UTRN: variants seen among roughly 807,000 people sequenced by gnomAD.
UTRN encodes the protein utrophin.
Under a neutral mutation model 463.9 loss-of-function variants are expected in UTRN, and 283 were observed. That is an observed-to-expected ratio of 0.61 (90% CI 0.55 to 0.67). UTRN has a LOEUF of 0.67. Among genes scored for constraint, UTRN ranks in the 30% least tolerant of loss-of-function variants. UTRN has a pLI of 0.00. For synonymous variants in UTRN, 1,442 were observed against 1,431.5 expected (o/e 1.01, Z -0.17); for missense variants, 3,922 against 4,084.3 (o/e 0.96, Z 1.08).
chr6:144,763,451 GAAA>G, intron 58 of UTRN, among the ~76,000 whole-genome samples: 1 of 152,138 alleles, frequency 6.6e-6, no homozygotes, highest in African/African-American at 2.4e-5. Flanking sequence ...GAAAGGAATT[GAAA>G]TTTGTAATAG....
chr6:144,509,224 T>A (rs1188429161), intron 34 of UTRN, among the ~76,000 whole-genome samples: 3 of 152,164 alleles, frequency 2.0e-5, no homozygotes, highest in African/African-American at 7.2e-5. Context: ...TTTTGATTTT[T>A]TTCTTTATAA....
intron 53 of UTRN, among the ~76,000 whole-genome samples, chr6:144,724,502 C>G (rs1190392765): frequency 6.6e-6 from 1 of 152,122 alleles, no homozygotes; most frequent in Admixed American, 6.5e-5. Flanking sequence ...GCTGGGATTA[C>G]AGGCATGAGC....
chr6:144,301,828 A>G (rs2473147), intron 2 of UTRN, among the ~76,000 whole-genome samples: 45,820 of 151,832 alleles, frequency 0.3, 11,122 homozygotes, highest in African/African-American at 0.68. Flanking sequence ...GACACTGCTC[A>G]TGGCCACCAT....
At chr6:144,525,648 T>A (rs1796507881) in intron 41 of UTRN, among the ~76,000 whole-genome samples, 1 of 152,000 alleles carries the variant, frequency 6.6e-6, no homozygotes, top group Non-Finnish European at 1.5e-5. Flanking sequence ...TTCATTTTTT[T>A]TTGTATTTTT....
At chr6:144,285,994 C>T (rs1473694634) in intron 1 of UTRN, among the ~76,000 whole-genome samples, 173 bp downstream of exon 1, 1 of 152,194 alleles carries the variant, frequency 6.6e-6, no homozygotes, top group East Asian at 1.9e-4. Context: ...TTTTGCGTGC[C>T]CTTTCCTCGG....
intron 53 of UTRN, among the ~76,000 whole-genome samples, chr6:144,719,935 G>T (rs1443096155): frequency 6.6e-6 from 1 of 152,236 alleles, no homozygotes; most frequent in Non-Finnish European, 1.5e-5. Flanking sequence ...TTGAAGAAAG[G>T]TTAGGAAAGA....
chr6:144,685,865 T>C (rs1177598263), intron 52 of UTRN, among the ~76,000 whole-genome samples: 1 of 152,202 alleles, frequency 6.6e-6, no homozygotes, highest in Non-Finnish European at 1.5e-5. Context: ...TGATTATTTC[T>C]TTTGCTGTGC....
At chr6:144,485,628 G>T in intron 28 of UTRN, 109 bp downstream of exon 28, 1 of 1,488,206 alleles carries the variant, frequency 6.7e-7, no homozygotes, top group Non-Finnish European at 9.0e-7. Flanking sequence ...TGCTTCCTCA[G>T]TGGTTTTCAA....
At chr6:144,516,096 C>T in intron 37 of UTRN, 133 bp from the exon 38 acceptor site, 1 of 896,788 alleles carries the variant, frequency 1.1e-6, no homozygotes. Flanking sequence ...ATGAATGAAA[C>T]AAAAGTTAGC....
chr6:144,685,045 T>C (rs77754806), intron 52 of UTRN, among the ~76,000 whole-genome samples: 5,083 of 152,204 alleles, frequency 0.033, 298 homozygotes, highest in African/African-American at 0.12. Context: ...CCCCGACCTC[T>C]GAGTCTCATA....
At chr6:144,351,018 A>G (rs985770538) in intron 2 of UTRN, among the ~76,000 whole-genome samples, 2 of 152,190 alleles carry the variant, frequency 1.3e-5, no homozygotes, top group Non-Finnish European at 2.9e-5. Flanking sequence ...AATTATTTCC[A>G]TATGGATGGT....
At chr6:144,456,314 A>G (rs775709847) in intron 19 of UTRN, among the ~76,000 whole-genome samples, 3 of 152,176 alleles carry the variant, frequency 2.0e-5, no homozygotes, top group Non-Finnish European at 4.4e-5. Flanking sequence ...TGCATTTTAC[A>G]TAAGTTTTGA....
At position 144,607,759 on chromosome 6, in the gene UTRN, A is replaced by T. The variant is rs1585536864; in HGVS notation, c.7479+30471A>T. 2.6e-5 allele frequency among the ~76,000 whole-genome samples: 4 copies of T among 152,208 alleles called. No homozygotes were observed. In the East Asian group the frequency reaches 7.7e-4, roughly 29 times the overall value. On this transcript the variant is annotated intron_variant, in intron 51 of 74. Transcript: ENST00000367545. ...TATTTTGGTAGTTTCTTGTCCAAAG[A>T]CTGTTGTGCCCATGAATCTGTATAA...
chr6:144,749,791 A>G (rs1331688281), intron 55 of UTRN, among the ~76,000 whole-genome samples: 2 of 152,164 alleles, frequency 1.3e-5, no homozygotes, highest in Non-Finnish European at 2.9e-5. Context: ...ATTTTTGGAG[A>G]GGAAAAATTT....
chr6:144,526,384 A>T (rs1796569944), intron 41 of UTRN, among the ~76,000 whole-genome samples: 1 of 152,118 alleles, frequency 6.6e-6, no homozygotes, highest in Non-Finnish European at 1.5e-5. Flanking sequence ...GTGCATATAT[A>T]TTTAGGATAT....
chr6:144,397,871 T>C (rs1782586030), intron 2 of UTRN: 1 of 153,254 alleles, frequency 6.5e-6, no homozygotes, highest in South Asian at 2.1e-4. Flanking sequence ...TGGGTGATGC[T>C]GGACAATTCA....
chr6:144,700,009 A>G (rs1194771562), intron 52 of UTRN, 78 bp from the exon 53 acceptor site: 66 of 1,412,372 alleles, frequency 4.7e-5, no homozygotes, highest in Non-Finnish European at 6.1e-5. Context: ...TTATTATGCT[A>G]AAGGAAGGTA....
chr6:144,454,823 T>A (rs150782413), intron 19 of UTRN, among the ~76,000 whole-genome samples: 59 of 152,238 alleles, frequency 3.9e-4, no homozygotes, highest in Non-Finnish European at 7.8e-4. Context: ...GGAAGTAAAA[T>A]TTACTTACAT....
intron 51 of UTRN, among the ~76,000 whole-genome samples, chr6:144,645,272 T>A (rs1428356215): frequency 2.0e-5 from 3 of 152,202 alleles, no homozygotes; most frequent in Admixed American, 6.5e-5. Flanking sequence ...AAGGAATTAT[T>A]TGTGTCTGCT....
Sources: allele counts gnomAD v4.1 joint callset (sites outside exome capture counted in the v4.1 genomes callset), GRCh38; gene constraint gnomAD v4.1.1; transcripts MANE v1.5; gene names NCBI Gene and HGNC (gene_info 2026-07-23, HGNC 2026-07-21).